Variants in MAPK10 observed in about 807,000 individuals in gnomAD.
MAPK10 encodes the protein JNK3 alpha protein kinase.
Under a neutral mutation model 59.3 loss-of-function variants are expected in MAPK10, and 25 were observed. That is an observed-to-expected ratio of 0.42 (90% CI 0.31 to 0.59). The LOEUF (loss-of-function observed/expected upper bound fraction) is 0.59. Among genes scored for constraint, MAPK10 ranks in the 20% least tolerant of loss-of-function variants. The pLI is 0.15. For missense variants in MAPK10, 351 were observed against 568.9 expected (o/e 0.62, Z 3.90); for synonymous variants, 190 against 200.5 (o/e 0.95, Z 0.44).
At chr4:86,165,979 G>A (rs1303253957) in intron 3 of MAPK10, among the ~76,000 whole-genome samples, 1 of 151,970 alleles carries the variant, frequency 6.6e-6, no homozygotes, top group Non-Finnish European at 1.5e-5. Flanking sequence ...AATTATGTTG[G>A]AAAGCATATA....
At chr4:86,396,840 A>G (rs1204742983) in intron 1 of MAPK10, among the ~76,000 whole-genome samples, 1 of 152,178 alleles carries the variant, frequency 6.6e-6, no homozygotes, top group Non-Finnish European at 1.5e-5. Context: ...TACTAAGCCC[A>G]CCGTCAACAC....
intron 2 of MAPK10, among the ~76,000 whole-genome samples, chr4:86,313,525 A>G (rs2095713288): frequency 6.6e-6 from 1 of 152,144 alleles, no homozygotes. Context: ...GGAAGAAAAA[A>G]CAACTCAGTT....
At chr4:86,336,487 CT>C (rs968588823) in intron 2 of MAPK10, 1 of 152,166 alleles carries the variant, frequency 6.6e-6, no homozygotes, top group African/African-American at 2.4e-5. Flanking sequence ...ATTCCTTCCA[CT>C]TTTATCAAGT....
At chr4:86,447,186 T>C (rs1020961440) in intron 1 of MAPK10, among the ~76,000 whole-genome samples, 5 of 152,124 alleles carry the variant, frequency 3.3e-5, no homozygotes, top group African/African-American at 1.2e-4. Flanking sequence ...GGGGGCAGTT[T>C]TCCCCATGCT....
intron 1 of MAPK10, among the ~76,000 whole-genome samples, chr4:86,447,534 A>G (rs1383283334): frequency 1.3e-5 from 2 of 152,184 alleles, no homozygotes; most frequent in Non-Finnish European, 2.9e-5. Context: ...ATTTTCTTTA[A>G]TAGAGTATAT....
intron 4 of MAPK10, among the ~76,000 whole-genome samples, chr4:86,130,182 AGTT>A (rs1276250996): frequency 6.6e-6 from 1 of 152,174 alleles, no homozygotes; most frequent in Non-Finnish European, 1.5e-5. Flanking sequence ...GTTCATTTCA[AGTT>A]GTTGTGAGCT....
chr4:86,296,460 G>A (rs1188267512), intron 2 of MAPK10, among the ~76,000 whole-genome samples: 1 of 152,158 alleles, frequency 6.6e-6, no homozygotes, highest in Non-Finnish European at 1.5e-5. Flanking sequence ...TTCTATGATG[G>A]TGGGACATGA....
At chr4:86,367,651 G>GT (rs545193325) in intron 1 of MAPK10, among the ~76,000 whole-genome samples, 2,494 of 143,862 alleles carry the variant, frequency 0.017, 63 homozygotes, top group African/African-American at 0.054. Flanking sequence ...GCAAGCATTT[G>GT]TTTTTTTTTT....
intron 2 of MAPK10, among the ~76,000 whole-genome samples, chr4:86,348,397 A>AGT (rs752288104): frequency 6.6e-6 from 1 of 152,220 alleles, no homozygotes; most frequent in Non-Finnish European, 1.5e-5. Context: ...CACTATGAAC[A>AGT]GTGCTTGGCA....
chr4:86,123,944 T>C (rs1180317851), intron 4 of MAPK10: 1 of 152,046 alleles, frequency 6.6e-6, no homozygotes, highest in East Asian at 1.9e-4. Flanking sequence ...GCCTCAAACA[T>C]AAAATTAATA....
rs1009432181 is a variant in MAPK10, at chr4:86,128,895, C to A, written c.237-21543G>T. Among the ~76,000 whole-genome samples the A allele has an allele frequency of 3.9e-5, 6 of 152,052 alleles. No homozygotes were observed. The Middle Eastern group carries it at 0.017, about 431-fold the overall frequency. ...TTTTAAACTTTCCTTATTATTAAAG[C>A]AAAAACTAAATATTTGCAAGCTATT... On this transcript the variant is annotated intron_variant, in intron 4 of 13. Transcript: ENST00000641462.
chr4:86,230,197 T>C (rs1020622169), intron 2 of MAPK10, among the ~76,000 whole-genome samples: 1 of 152,210 alleles, frequency 6.6e-6, no homozygotes, highest in Non-Finnish European at 1.5e-5. Flanking sequence ...AGTAAATATA[T>C]ACAATTTGAT....
At chr4:86,067,979 A>C (rs750118385) in intron 9 of MAPK10, 24 bp from the exon 10 acceptor site, 1 of 1,545,392 alleles carries the variant, frequency 6.5e-7, no homozygotes, top group South Asian at 1.2e-5. Context: ...AGTTAAGGGA[A>C]AAAAGAAGAG....
intron 2 of MAPK10, among the ~76,000 whole-genome samples, chr4:86,208,256 T>C (rs1248481217): frequency 1.3e-5 from 2 of 151,530 alleles, no homozygotes; most frequent in African/African-American, 2.4e-5. Context: ...AGCATCATTC[T>C]GATACCAAAG....
At chr4:86,032,952 C>T (rs1297732264) in intron 11 of MAPK10, among the ~76,000 whole-genome samples, 1 of 152,056 alleles carries the variant, frequency 6.6e-6, no homozygotes. Context: ...TCTCAGCAGC[C>T]GTCAGCACTG....
Position 86,397,864 on chromosome 4 carries a change from C to CAAAAA in MAPK10, c.-121-43225_-121-43221dup, listed in dbSNP as rs759585442. 1.4e-4 allele frequency among the ~76,000 whole-genome samples: 7 copies of CAAAAA among 51,768 alleles called. No homozygotes were observed. The South Asian group carries it at 4.8e-3, about 36-fold the overall frequency. The allele number at this position is 51,768 out of a possible 152,430, so 34.0% of individuals were successfully genotyped here. ...TACGTAAGCTCTGAATCTGCTATGG[C>CAAAAA]AAAAAAAAAAAAAAAAAAAAAAAAA... On this transcript the variant is annotated intron_variant, in intron 1 of 13. Transcript: ENST00000361569.
chr4:86,493,371 T>A (rs965601175), intron 1 of MAPK10, among the ~76,000 whole-genome samples: 1 of 152,272 alleles, frequency 6.6e-6, no homozygotes, highest in African/African-American at 2.4e-5. Context: ...TTATGCTAGA[T>A]TAATTTATCT....
rs114889185 is a variant in MAPK10, at chr4:86,162,379, T to C, written c.67-2912A>G. Reference sequence around the variant, plus strand: ...TTTTTAAAGGAAAAATGAGGATGATTATCTAACTATTTTGAGATAATTATC... The same window carrying C: ...TTTTTAAAGGAAAAATGAGGATGATCATCTAACTATTTTGAGATAATTATC... On this transcript the variant is annotated intron_variant, in intron 3 of 13. Transcript: ENST00000641462. Among the ~76,000 whole-genome samples, 1,247 of 152,046 alleles carry C rather than the reference T, an allele frequency of 8.2e-3. 15 individuals are homozygous for C. The highest frequency in any genetic ancestry group is 0.028 in the African/African-American group (1,180 of 41,510).
Position 86,132,898 on chromosome 4 carries a change from T to A in MAPK10, c.237-25546A>T, listed in dbSNP as rs542558764. 3.3e-5 allele frequency among the ~76,000 whole-genome samples: 5 copies of A among 152,294 alleles called. No individual in the cohort carries two copies. The South Asian group carries it at 1.0e-3, about 32-fold the overall frequency. ...TCTACATTATGATGAGTTGTATTAT[T>A]ATGTCATTATATATTACAATGTAAT... On this transcript the variant is annotated intron_variant, in intron 4 of 13. Transcript: ENST00000641462.
Sources: gnomAD v4.1 joint callset for allele counts (sites outside exome capture counted in the v4.1 genomes callset) on GRCh38, gnomAD v4.1.1 for gene constraint, MANE v1.5 for transcripts, NCBI Gene and HGNC (gene_info 2026-07-23, HGNC 2026-07-21) for gene names.